PAK1: variants seen among roughly 807,000 people sequenced by gnomAD.
PAK1 encodes serine/threonine-protein kinase PAK 1.
A neutral mutation model predicts 67.4 loss-of-function variants in PAK1; 29 were observed. The observed-to-expected ratio is 0.43, with a 90% CI of 0.32 to 0.59. PAK1 has a LOEUF of 0.59. PAK1 is among the 20% of genes least tolerant of loss of function. PAK1 has a pLI of 0.07. For synonymous variants in PAK1, 223 were observed against 237.4 expected, an observed-to-expected ratio of 0.94 and a Z score of 0.56; for missense variants, 337 against 670.7, an observed-to-expected ratio of 0.50 and a Z score of 5.50.
intron 2 of PAK1, among the ~76,000 whole-genome samples, chr11:77,385,041 A>C (rs1480268098): frequency 6.6e-6 from 1 of 152,212 alleles, no homozygotes; most frequent in Non-Finnish European, 1.5e-5. Flanking sequence ...ACTCTTAGCA[A>C]ACTAGGATTA....
chr11:77,510,963 C>T, the PAK1 span, among the ~76,000 whole-genome samples: 1 of 152,086 alleles, frequency 6.6e-6, no homozygotes, highest in African/African-American at 2.4e-5. Flanking sequence ...AATGTTTTTG[C>T]TTGCACATGT....
intron 1 of PAK1, among the ~76,000 whole-genome samples, chr11:77,416,657 A>T (rs1954970060): frequency 6.6e-6 from 1 of 152,210 alleles, no homozygotes; most frequent in Non-Finnish European, 1.5e-5. Flanking sequence ...CAAGCATTAT[A>T]TAACACATAT....
intron 1 of PAK1, among the ~76,000 whole-genome samples, chr11:77,457,473 T>C (rs1957131852): frequency 6.6e-6 from 1 of 152,206 alleles, no homozygotes; most frequent in African/African-American, 2.4e-5. Flanking sequence ...TGGGACCGTG[T>C]GCTTCCATGG....
In PAK1 at chr11:77,323,332, A is replaced by T. The variant is rs376164226; in HGVS notation, c.1580T>A (p.Leu527His). Residue 527 changes from leucine to histidine, a missense_variant, in exon 15 of 15, where the codon CTC becomes CAC. Coordinates refer to ENST00000356341, the MANE Select transcript of PAK1 (RefSeq NM_002576.5). Reference protein sequence around the residue: ...QHQFLKIAKPLSSLTPLIAAA... With the variant: ...QHQFLKIAKPHSSLTPLIAAA... ...AGCAATCAGTGGAGTGAGGCTGGAG[A>T]GGGGCTTGGCAATCTTCAGGAATTG... The T allele has an allele frequency of 1.2e-5, 19 of 1,613,420 alleles. No homozygotes were observed. The highest frequency in any genetic ancestry group is 1.5e-5 in the Non-Finnish European group (18 of 1,179,510).
chr11:77,456,577 G>T (rs370774769), intron 1 of PAK1, among the ~76,000 whole-genome samples: 1 of 152,122 alleles, frequency 6.6e-6, no homozygotes, highest in African/African-American at 2.4e-5. Flanking sequence ...AATTAAAGCA[G>T]AAGTCATTTA....
chr11:77,409,684 G>T (rs1452567643), intron 1 of PAK1, among the ~76,000 whole-genome samples: 1 of 151,942 alleles, frequency 6.6e-6, no homozygotes, highest in Non-Finnish European at 1.5e-5. Context: ...AAAAAAGCCA[G>T]GTACAGGAAG....
chr11:77,474,507 C>G (rs1958025459), upstream of PAK1: 1 of 152,234 alleles, frequency 6.6e-6, no homozygotes. Flanking sequence ...GGGAGGGCTA[C>G]TGTAGTAGTC....
the PAK1 span, among the ~76,000 whole-genome samples, chr11:77,484,757 T>C: frequency 7.9e-5 from 12 of 152,312 alleles, no homozygotes; most frequent in Non-Finnish European, 1.0e-4. Context: ...ATTAAAACAA[T>C]TGGACTCATG....
chr11:77,392,547 A>G lies in PAK1; in HGVS notation c.-21-6T>C. ...GTCACCACCAGCAGCAGCTACTAGA[A>G]TCAGAAATAAGAACAATATAACTCT... On this transcript the variant is annotated splice_polypyrimidine_tract_variant and splice_region_variant and intron_variant, in intron 1 of 14. Coordinates refer to ENST00000356341, the MANE Select transcript of PAK1 (RefSeq NM_002576.5). 6.4e-7 allele frequency: 1 copy of G among 1,564,716 alleles called. No homozygotes were observed. Among genetic ancestry groups the G allele is most frequent in the Non-Finnish European group, 8.7e-7 (1 of 1,150,322 alleles).
intron 4 of PAK1, among the ~76,000 whole-genome samples, chr11:77,376,115 C>G: frequency 6.6e-6 from 1 of 152,210 alleles, no homozygotes. Context: ...TATGCCTTCA[C>G]TGCACTACCC....
the PAK1 span, among the ~76,000 whole-genome samples, chr11:77,501,021 G>T: frequency 8.6e-5 from 13 of 151,370 alleles, no homozygotes; most frequent in South Asian, 2.1e-3. Context: ...CGTGGTGGCA[G>T]GCGCCTGTAG....
chr11:77,367,750 G>A (rs1330042831), intron 5 of PAK1, among the ~76,000 whole-genome samples: 5 of 152,134 alleles, frequency 3.3e-5, no homozygotes, highest in Admixed American at 6.5e-5. Flanking sequence ...AGGCTGAGGC[G>A]GGCAGATCAC....
the PAK1 span, among the ~76,000 whole-genome samples, chr11:77,486,676 T>A: frequency 6.6e-6 from 1 of 152,132 alleles, no homozygotes; most frequent in Non-Finnish European, 1.5e-5. Context: ...TGGAACTCAC[T>A]GCCACCCTGT....
At chr11:77,457,510 C>CA (rs1957133738) in intron 1 of PAK1, among the ~76,000 whole-genome samples, 2 of 152,282 alleles carry the variant, frequency 1.3e-5, no homozygotes, top group South Asian at 4.1e-4. Flanking sequence ...ATTAGCATTA[C>CA]ATTAATTGGC....
the PAK1 span, among the ~76,000 whole-genome samples, chr11:77,527,876 C>T: frequency 2.6e-5 from 4 of 151,780 alleles, no homozygotes; most frequent in Non-Finnish European, 4.4e-5. Context: ...GACAGGGTCT[C>T]GCTCTGTCAC....
At chr11:77,323,980 T>C (rs1939031207) in intron 14 of PAK1, among the ~76,000 whole-genome samples, 1 of 152,184 alleles carries the variant, frequency 6.6e-6, no homozygotes, top group South Asian at 2.1e-4. Flanking sequence ...GATCTAGGAA[T>C]TTATTGTTCT....
chr11:77,431,771 G>C (rs986845009), intron 1 of PAK1, among the ~76,000 whole-genome samples: 1 of 152,158 alleles, frequency 6.6e-6, no homozygotes, highest in African/African-American at 2.4e-5. Context: ...TAACTAGAAG[G>C]GGTCTTAAAT....
intron 1 of PAK1, among the ~76,000 whole-genome samples, chr11:77,404,724 C>G (rs1382433016): frequency 6.6e-6 from 1 of 152,236 alleles, no homozygotes; most frequent in African/African-American, 2.4e-5. Flanking sequence ...GAAGCCAATT[C>G]TCTCTTATCC....
chr11:77,413,744 A>G (rs886408984), intron 1 of PAK1, among the ~76,000 whole-genome samples: 4 of 152,114 alleles, frequency 2.6e-5, no homozygotes, highest in African/African-American at 9.7e-5. Flanking sequence ...AAAGAAAGAA[A>G]GAAAGAATTG....
Sources: allele counts gnomAD v4.1 joint callset (sites outside exome capture counted in the v4.1 genomes callset), GRCh38; gene constraint gnomAD v4.1.1; transcripts MANE v1.5; gene names NCBI Gene and HGNC (gene_info 2026-07-23, HGNC 2026-07-21).